Variants in RTN2 observed in about 807,000 individuals in gnomAD.
The protein encoded by RTN2 is reticulon-2.
Under a neutral mutation model 63.7 loss-of-function variants are expected in RTN2, and 36 were observed. The observed-to-expected ratio is 0.56, with a 90% CI of 0.43 to 0.75. The LOEUF (loss-of-function observed/expected upper bound fraction) is 0.75. Ranked by LOEUF, RTN2 falls within the 30% of genes least tolerant of loss-of-function variation. RTN2 has a pLI of 0.00. For missense variants in RTN2, 673 were observed against 705.1 expected, an observed-to-expected ratio of 0.95 and a Z score of 0.52; for synonymous variants, 312 against 313.0, an observed-to-expected ratio of 1.00 and a Z score of 0.03.
intron 9 of RTN2, among the ~76,000 whole-genome samples, chr19:45,488,119 G>C (rs1246312422): frequency 1.3e-5 from 2 of 151,980 alleles, no homozygotes; most frequent in Non-Finnish European, 2.9e-5. Context: ...CGGGCACGGT[G>C]GCCATATGCC....
In RTN2 at chr19:45,493,167, C is replaced by A; in HGVS notation, c.1026G>T (p.Gly342=). The change falls in exon 5 of 11, where the codon GGG becomes GGT. Residue 342 remains glycine, a synonymous_variant. Transcript: ENST00000245923. ...VPSLSLGADM[G]SKVADLLYWK... is the part of the protein sequence containing the mutation. ...CCCGTTCCGCAAGCCCACCTTTACT[C>A]CCCATATCGGCTCCGAGTGAGAGGC... is the stretch of plus-strand genomic sequence containing the variant. 1 of 1,611,976 alleles carries A rather than the reference C, an allele frequency of 6.2e-7. No individual in the cohort carries two copies. The highest frequency in any genetic ancestry group is 8.5e-7 in the Non-Finnish European group (1 of 1,179,860).
chr19:45,492,459 G>A (rs747486592), intron 5 of RTN2, among the ~76,000 whole-genome samples: 7 of 152,104 alleles, frequency 4.6e-5, no homozygotes, highest in African/African-American at 1.2e-4. Flanking sequence ...GATCACTTGT[G>A]CCCAGGTGTT....
At position 45,494,866 on chromosome 19, in the gene RTN2, C is replaced by T; in HGVS notation, c.219G>A (p.Val73=). ...TTGAATCCCTGCGGCCCCCGGAGCC[C>T]ACTACACCATCAAAGGCGATGTAGG... ...TFSYIAFDGV[V]GSGGRRDSTA... Residue 73 remains valine, a synonymous_variant, in exon 3 of 11, where the codon GTG becomes GTA. Coordinates refer to ENST00000245923, the MANE Select transcript of RTN2 (RefSeq NM_005619.5). The surrounding 1 kb of genome is among the most constrained non-coding windows in gnomAD (Gnocchi z 5.3). 1.9e-6 allele frequency: 3 copies of T among 1,607,646 alleles called. No individual in the cohort carries two copies. Among genetic ancestry groups the T allele is most frequent in the Non-Finnish European group, 2.5e-6 (3 of 1,179,878 alleles).
chr19:45,488,779 G>T (rs767967488), intron 7 of RTN2, 69 bp downstream of exon 7: 110 of 1,593,444 alleles, frequency 6.9e-5, no homozygotes, highest in Non-Finnish European at 9.1e-5. Flanking sequence ...CCCAACAGTC[G>T]CCCTCCCACC....
rs1312823863 is a variant in RTN2 at position 45,486,736 on chromosome 19, C to CT, written c.1498-624dup. On this transcript the variant is annotated intron_variant, in intron 9 of 10. Transcript: ENST00000245923. Reference sequence around the variant, plus strand: ...CTTTTTTTTTTCTTTTTCTTTCTTTCTTTTTTTTTTTTTCCTGAGACGGAG... The same window carrying CT: ...CTTTTTTTTTTCTTTTTCTTTCTTTCTTTTTTTTTTTTTTCCTGAGACGGAG... Among the ~76,000 whole-genome samples the CT allele has an allele frequency of 6.1e-3, 723 of 119,260 alleles. 12 individuals carry two copies. Among genetic ancestry groups the CT allele is most frequent in the African/African-American group, 0.02 (636 of 31,710 alleles). The allele number at this position is 119,260 out of a possible 152,430, so 78.2% of individuals were successfully genotyped here. A position where few individuals can be genotyped will look rare whatever the true frequency, so the allele number is the denominator to read the frequency against.
Position 45,485,653 on chromosome 19 carries a change from G to C in RTN2, c.*55C>G. On this transcript the variant is annotated 3_prime_UTR_variant, in exon 11 of 11. Coordinates refer to ENST00000245923, the MANE Select transcript of RTN2 (RefSeq NM_005619.5). Reference sequence around the variant, plus strand: ...GTGGGAACGGACAAGAGATGGAGGGGGCCAGAGGGCTGCGGGGGCTGGGGG... The same window carrying C: ...GTGGGAACGGACAAGAGATGGAGGGCGCCAGAGGGCTGCGGGGGCTGGGGG... The C allele has an allele frequency of 7.0e-7, 1 of 1,421,406 alleles. No individual in the cohort carries two copies. The highest frequency in any genetic ancestry group is 9.9e-7 in the Non-Finnish European group (1 of 1,011,638). 88.0% of individuals were successfully genotyped at this position (1,421,406 alleles called of 1,614,324 possible).
In RTN2 at chr19:45,494,065, A is replaced by C; in HGVS notation, c.814+101T>G. ...ATCACGTCTATCTCTTCCCTTTTCCACTATGTACTGTTCCTTTGCGAGGTT... is the reference window on the plus strand; with the variant it reads ...ATCACGTCTATCTCTTCCCTTTTCCCCTATGTACTGTTCCTTTGCGAGGTT... On this transcript the variant is annotated intron_variant, in intron 4 of 10. Transcript: ENST00000245923. This position sits in a 1 kb window ranked among gnomAD's most constrained non-coding sequence, Gnocchi z 5.3. 2 of 1,490,786 alleles carry C rather than the reference A, an allele frequency of 1.3e-6. No homozygotes were observed. Among genetic ancestry groups the C allele is most frequent in the Non-Finnish European group, 1.8e-6 (2 of 1,107,360 alleles). The allele number at this position is 1,490,786 out of a possible 1,614,324, so 92.3% of individuals were successfully genotyped here.
chr19:45,486,089 A>C lies in RTN2; in HGVS notation c.1522T>G (p.Leu508Val). 6.2e-7 allele frequency: 1 copy of C among 1,614,028 alleles called. No homozygotes were observed. The highest frequency in any genetic ancestry group is 8.5e-7 in the Non-Finnish European group (1 of 1,179,990). ...ATGTGGCTCAACTGATTGGTCACCAACCCCACATATTGGTCGATCTGAGCC... is the reference window on the plus strand; with the variant it reads ...ATGTGGCTCAACTGATTGGTCACCACCCCCACATATTGGTCGATCTGAGCC... ...HQAQIDQYVG[L>V]VTNQLSHIKA... Residue 508 changes from leucine to valine, a missense_variant, in exon 10 of 11, where the codon TTG becomes GTG. Coordinates refer to ENST00000245923, the MANE Select transcript of RTN2 (RefSeq NM_005619.5).
chr19:45,493,367 C>T lies in RTN2; in HGVS notation c.826G>A (p.Glu276Lys), dbSNP rs754413386. Residue 276 changes from glutamate to lysine, a missense_variant, in exon 5 of 11, where the codon GAA becomes AAA. Glu to Lys is a moderately conservative substitution (Grantham distance 56). Coordinates refer to ENST00000245923, the MANE Select transcript of RTN2 (RefSeq NM_005619.5). ...VEPRLLGTAM[E>K]WLKTSLLLAV... ...AAAAGCAATGATGTCTTTAACCATT[C>T]CATAGCTGTTCCTGGAGGCGGAGCA... 1 of 1,607,002 alleles carries T rather than the reference C, an allele frequency of 6.2e-7. No homozygotes were observed. Among genetic ancestry groups the T allele is most frequent in the Non-Finnish European group, 8.5e-7 (1 of 1,177,930 alleles).
At chr19:45,487,583 G>GTTTTTTTT (rs4031036) in intron 9 of RTN2, among the ~76,000 whole-genome samples, 2 of 105,752 alleles carry the variant, frequency 1.9e-5, no homozygotes, top group Non-Finnish European at 3.7e-5. Flanking sequence ...TTATTTTTTG[G>GTTTTTTTT]TTTTTTTTTT....
intron 1 of RTN2, among the ~76,000 whole-genome samples, chr19:45,496,383 G>T (rs921291109): frequency 1.4e-4 from 21 of 152,240 alleles, no homozygotes; most frequent in Admixed American, 1.2e-3. Context: ...ACAGAAAACG[G>T]GGATGGGATG....
At chr19:45,493,965 C>A in intron 4 of RTN2, 1 of 752,328 alleles carries the variant, frequency 1.3e-6, no homozygotes, top group Non-Finnish European at 2.1e-6. Context: ...GCTGGGATTA[C>A]AGGCATGAGC....
chr19:45,491,532 A>ATT (rs372135117), intron 5 of RTN2, among the ~76,000 whole-genome samples: 124 of 125,508 alleles, frequency 9.9e-4, no homozygotes, highest in East Asian at 6.7e-3. Flanking sequence ...GGCCTGGCTA[A>ATT]TTTTTTTTTT....
At chr19:45,488,787 A>G in intron 7 of RTN2, 61 bp downstream of exon 7, 1 of 1,592,842 alleles carries the variant, frequency 6.3e-7, no homozygotes, top group Non-Finnish European at 8.5e-7. Context: ...TCGCCCTCCC[A>G]CCCCCTAGCC....
Position 45,496,921 on chromosome 19 carries a change from G to A in RTN2, c.-96C>T. 3 of 683,910 alleles carry A rather than the reference G, an allele frequency of 4.4e-6. 1 individual carries two copies. The highest frequency in any genetic ancestry group is 8.8e-4 in the Middle Eastern group (2 of 2,278). The allele number at this position is 683,910 out of a possible 1,614,324, so 42.4% of individuals were successfully genotyped here. On this transcript the variant is annotated 5_prime_UTR_variant, in exon 1 of 11. Coordinates refer to ENST00000245923, the MANE Select transcript of RTN2 (RefSeq NM_005619.5). ...CGCTCATCTCCGCCGCGCCCACGAC[G>A]CCGCTGCCATTCTCGCCGCCTCCTC...
rs1176639498 is a variant in RTN2 at position 45,489,550 on chromosome 19, G to A, written c.1037C>T (p.Ala346Val). 2.4e-5 allele frequency: 39 copies of A among 1,593,648 alleles called. No homozygotes were observed. The highest frequency in any genetic ancestry group is 2.9e-5 in the Non-Finnish European group (34 of 1,170,522). The change falls in exon 6 of 11, where the codon GCG (alanine) becomes GTG (valine). Residue 346 changes from alanine (A) to valine (V), a missense_variant. Physicochemically the swap from Ala to Val is moderately conservative, Grantham distance 64. Coordinates refer to ENST00000245923, the MANE Select transcript of RTN2 (RefSeq NM_005619.5). ...SLGADMGSKVADLLYWKDTRT... is the reference protein window; with the variant it reads ...SLGADMGSKVVDLLYWKDTRT... ...CGTGTCCTTCCAGTACAGCAGGTCCGCCACTGTGGAGGGGTGGGGGGCATC... is the reference window on the plus strand; with the variant it reads ...CGTGTCCTTCCAGTACAGCAGGTCCACCACTGTGGAGGGGTGGGGGGCATC...
intron 9 of RTN2, among the ~76,000 whole-genome samples, chr19:45,487,590 T>G (rs1451977075): frequency 2.1e-5 from 3 of 143,744 alleles, no homozygotes; most frequent in African/African-American, 5.2e-5. Context: ...TTGGTTTTTT[T>G]TTTTTTTTTT....
chr19:45,496,390 G>C (rs1968268522), intron 1 of RTN2, among the ~76,000 whole-genome samples: 1 of 152,256 alleles, frequency 6.6e-6, no homozygotes, highest in African/African-American at 2.4e-5. Flanking sequence ...ACGGGGATGG[G>C]ATGCGAAGGC....
At chr19:45,487,583 G>GTTTTTTTTTTTTTTTTTTTTTTTTGTTT (rs4031036) in intron 9 of RTN2, among the ~76,000 whole-genome samples, 7 of 105,754 alleles carry the variant, frequency 6.6e-5, no homozygotes, top group Non-Finnish European at 9.3e-5. Context: ...TTATTTTTTG[G>GTTTTTTTTTTTTTTTTTTTTTTTTGTTT]TTTTTTTTTT....
Sources: gnomAD v4.1 joint callset for allele counts (sites outside exome capture counted in the v4.1 genomes callset) on GRCh38, gnomAD v4.1.1 for gene constraint, Gnocchi (gnomAD v3.1) non-coding constraint, MANE v1.5 for transcripts, NCBI Gene and HGNC (gene_info 2026-07-23, HGNC 2026-07-21) for gene names.